LRRTM4: variants seen among roughly 807,000 people sequenced by gnomAD.
LRRTM4 encodes leucine-rich repeat transmembrane neuronal protein 4.
In LRRTM4, 25 loss-of-function variants were observed where a neutral mutation model predicts 47.6. The ratio of observed to expected loss-of-function variants is 0.53; its 90% CI spans 0.38 to 0.73. LRRTM4 has a LOEUF of 0.73. LRRTM4 is among the 30% of genes least tolerant of loss of function. The pLI is 0.00. For missense variants in LRRTM4, 638 were observed against 713.4 expected, an observed-to-expected ratio of 0.89 and a Z score of 1.20; for synonymous variants, 311 against 269.5, an observed-to-expected ratio of 1.15 and a Z score of -1.51.
chr2:77,016,349 G>C (rs915026791), intron 3 of LRRTM4, among the ~76,000 whole-genome samples: 1 of 150,142 alleles, frequency 6.7e-6, no homozygotes. Flanking sequence ...TCGCGCCACT[G>C]TGTCCAGCCT....
chr2:76,915,016 G>A (rs1247144789), intron 3 of LRRTM4, among the ~76,000 whole-genome samples: 2 of 152,146 alleles, frequency 1.3e-5, no homozygotes, highest in Non-Finnish European at 2.9e-5. Flanking sequence ...AACTGATGCC[G>A]AATCAGGCAA....
intron 3 of LRRTM4, among the ~76,000 whole-genome samples, chr2:77,469,680 G>C (rs960461287): frequency 6.6e-6 from 1 of 151,946 alleles, no homozygotes; most frequent in African/African-American, 2.4e-5. Context: ...CTCTGGAAAG[G>C]AAGATGATTG....
chr2:77,298,762 A>T (rs774172930), intron 3 of LRRTM4, among the ~76,000 whole-genome samples: 1 of 152,200 alleles, frequency 6.6e-6, no homozygotes, highest in Non-Finnish European at 1.5e-5. Context: ...TCTTCCATTC[A>T]TCAGAAAATA....
In LRRTM4 at chr2:76,748,802, C is replaced by G; in HGVS notation, c.1666G>C (p.Glu556Gln). The G allele has an allele frequency of 6.2e-7, 1 of 1,614,026 alleles. No individual in the cohort carries two copies. The highest frequency in any genetic ancestry group is 8.5e-7 in the Non-Finnish European group (1 of 1,179,912). ...VTKGYETVSP[E>Q]QDESPGLELG... Reference sequence around the variant, plus strand: ...TCCAGGCCGGGGCTTTCGTCCTGCTCTGGAGACACTGTCTCATAGCCCTTG... The same window carrying G: ...TCCAGGCCGGGGCTTTCGTCCTGCTGTGGAGACACTGTCTCATAGCCCTTG... Residue 556 changes from glutamate (E) to glutamine (Q), a missense_variant, in exon 4 of 4, where the codon GAG (glutamate) becomes CAG (glutamine). Glu to Gln is a conservative substitution (Grantham distance 29, BLOSUM62 2). Transcript: ENST00000409884.
At chr2:77,495,548 T>G (rs1678329133) in intron 3 of LRRTM4, among the ~76,000 whole-genome samples, 1 of 152,058 alleles carries the variant, frequency 6.6e-6, no homozygotes, top group Non-Finnish European at 1.5e-5. Flanking sequence ...AGGTCTATGA[T>G]CCATGAAATC....
chr2:77,275,298 G>A (rs1676314163), intron 3 of LRRTM4, among the ~76,000 whole-genome samples: 1 of 152,002 alleles, frequency 6.6e-6, no homozygotes, highest in African/African-American at 2.4e-5. Flanking sequence ...TATAAGACAA[G>A]GTTGGTGGTT....
At chr2:77,483,646 G>C (rs772658922) in intron 3 of LRRTM4, among the ~76,000 whole-genome samples, 9 of 152,138 alleles carry the variant, frequency 5.9e-5, no homozygotes, top group Non-Finnish European at 1.0e-4. Context: ...CAGCAGGGAA[G>C]AGGACTTTGA....
chr2:76,928,520 C>G (rs1372474827), intron 3 of LRRTM4, among the ~76,000 whole-genome samples: 1 of 152,086 alleles, frequency 6.6e-6, no homozygotes, highest in Non-Finnish European at 1.5e-5. Context: ...GGTGAAAGAT[C>G]AAAGCCTTGA....
At chr2:77,030,998 A>C (rs550161752) in intron 3 of LRRTM4, among the ~76,000 whole-genome samples, 29 of 152,306 alleles carry the variant, frequency 1.9e-4, no homozygotes, top group African/African-American at 7.0e-4. Flanking sequence ...TTCACTGGAC[A>C]GTGGGATTTA....
intron 3 of LRRTM4, among the ~76,000 whole-genome samples, chr2:76,913,335 A>G (rs867736331): frequency 1.3e-5 from 2 of 150,406 alleles, no homozygotes; most frequent in South Asian, 2.1e-4. Context: ...TGAGTGATAT[A>G]TTTTTCTTAT....
intron 3 of LRRTM4, among the ~76,000 whole-genome samples, chr2:77,263,588 GA>G (rs1675974453): frequency 6.6e-6 from 1 of 152,228 alleles, no homozygotes; most frequent in Admixed American, 6.5e-5. Context: ...TTGAAGTGGG[GA>G]AAACACTCAT....
chr2:76,851,297 T>C (rs1671986797), intron 3 of LRRTM4, among the ~76,000 whole-genome samples: 1 of 152,096 alleles, frequency 6.6e-6, no homozygotes, highest in African/African-American at 2.4e-5. Context: ...CCAAGTGCAA[T>C]AAAAAAATGA....
At chr2:77,051,178 G>A (rs1407568288) in intron 3 of LRRTM4, among the ~76,000 whole-genome samples, 1 of 151,910 alleles carries the variant, frequency 6.6e-6, no homozygotes, top group East Asian at 1.9e-4. Context: ...GATCAGGGGT[G>A]CTGCTGAACA....
At chr2:77,086,248 G>T (rs1680708187) in intron 3 of LRRTM4, among the ~76,000 whole-genome samples, 1 of 152,102 alleles carries the variant, frequency 6.6e-6, no homozygotes, top group South Asian at 2.1e-4. Context: ...GTAAATAAGA[G>T]AAGTGAGTCA....
At chr2:77,454,416 C>T (rs1486150234) in intron 3 of LRRTM4, among the ~76,000 whole-genome samples, 4 of 152,082 alleles carry the variant, frequency 2.6e-5, no homozygotes, top group East Asian at 3.9e-4. Context: ...TTTTCTTTAC[C>T]GCATTTCTTA....
At chr2:77,265,893 A>G (rs1676036575) in intron 3 of LRRTM4, among the ~76,000 whole-genome samples, 1 of 152,192 alleles carries the variant, frequency 6.6e-6, no homozygotes, top group East Asian at 1.9e-4. Flanking sequence ...TTACCTTACA[A>G]AATAAATTTC....
chr2:77,081,693 G>GTTTA (rs1202171376), intron 3 of LRRTM4, among the ~76,000 whole-genome samples: 2 of 152,112 alleles, frequency 1.3e-5, no homozygotes, highest in Non-Finnish European at 2.9e-5. Flanking sequence ...CAGTTTATCA[G>GTTTA]TTAGGAAACG....
intron 3 of LRRTM4, among the ~76,000 whole-genome samples, chr2:77,114,264 T>C (rs1397627253): frequency 6.6e-6 from 1 of 152,086 alleles, no homozygotes; most frequent in Admixed American, 6.5e-5. Context: ...ACCAACACTA[T>C]CCCATTGTTC....
At chr2:77,342,278 A>G (rs891592598) in intron 3 of LRRTM4, among the ~76,000 whole-genome samples, 5 of 151,974 alleles carry the variant, frequency 3.3e-5, no homozygotes, top group Non-Finnish European at 7.4e-5. Flanking sequence ...CCCTGAGAGG[A>G]TATTTGGCAA....
Sources: gnomAD v4.1 joint callset for allele counts (sites outside exome capture counted in the v4.1 genomes callset) on GRCh38, gnomAD v4.1.1 for gene constraint, MANE v1.5 for transcripts, NCBI Gene and HGNC (gene_info 2026-07-23, HGNC 2026-07-21) for gene names.